The following CFH variants were observed in gnomAD, a reference collection of about 807,000 sequenced individuals.
CFH encodes the protein complement factor H.
In CFH, 53 loss-of-function variants were observed where a neutral mutation model predicts 147.3. That is an observed-to-expected ratio of 0.36 (90% confidence interval 0.29 to 0.45). The LOEUF (loss-of-function observed/expected upper bound fraction) is 0.45, where lower values mean the gene tolerates loss of function less well. Among genes scored for constraint, CFH ranks in the 20% least tolerant of loss-of-function variants. CFH has a pLI of 1.00. For synonymous variants in CFH, 536 were observed against 489.4 expected, an observed-to-expected ratio of 1.10 and a Z score of -1.26; for missense variants, 1,380 against 1,498.0, an observed-to-expected ratio of 0.92 and a Z score of 1.30.
chr1:196,652,086 G>A lies in CFH; in HGVS notation c.-32G>A, dbSNP rs1666517313. On this transcript the variant is annotated 5_prime_UTR_variant, in exon 1 of 22. Transcript: ENST00000367429. The stretch of plus-strand genomic sequence containing the variant: ...GAACTGGACGTTGTGAACAGAGTTA[G>A]CTGGTAAATGTCCTCTTAAAAGATC... 2.7e-6 allele frequency: 4 copies of A among 1,475,632 alleles called. No homozygotes were observed. The highest frequency in any genetic ancestry group is 3.8e-6 in the Non-Finnish European group (4 of 1,053,894). 91.4% of individuals were successfully genotyped at this position (1,475,632 alleles called of 1,614,324 possible). A position where few individuals can be genotyped will look rare whatever the true frequency, so the allele number is the denominator to read the frequency against.
intron 3 of CFH, among the ~76,000 whole-genome samples, chr1:196,674,680 C>T (rs185574783): frequency 6.6e-6 from 1 of 152,230 alleles, no homozygotes; most frequent in East Asian, 1.9e-4. Flanking sequence ...AATGGAATAA[C>T]ATTATTATTT....
intron 15 of CFH, among the ~76,000 whole-genome samples, chr1:196,735,245 T>C (rs1319063194): frequency 2.0e-5 from 3 of 152,172 alleles, no homozygotes; most frequent in Non-Finnish European, 4.4e-5. Context: ...ATTTGTTTTT[T>C]TCTAGATAAG....
chr1:196,746,787 A>T (rs1653024674), intron 21 of CFH, among the ~76,000 whole-genome samples: 1 of 152,208 alleles, frequency 6.6e-6, no homozygotes, highest in South Asian at 2.1e-4. Flanking sequence ...ATTATAGCTG[A>T]AAGTTTGTAC....
At chr1:196,665,194 T>C in intron 1 of CFH, among the ~76,000 whole-genome samples, 1 of 151,724 alleles carries the variant, frequency 6.6e-6, no homozygotes, top group Non-Finnish European at 1.5e-5. Context: ...AGTGTTTGTG[T>C]TAAGAATAAT....
At chr1:196,724,494 C>A (rs1305200558) in intron 11 of CFH, among the ~76,000 whole-genome samples, 1 of 152,154 alleles carries the variant, frequency 6.6e-6, no homozygotes, top group Non-Finnish European at 1.5e-5. Flanking sequence ...CTTGGATCCA[C>A]ACGGTGAGCT....
chr1:196,735,127 CAG>C (rs1229109304), intron 15 of CFH, among the ~76,000 whole-genome samples: 4 of 152,018 alleles, frequency 2.6e-5, no homozygotes, highest in African/African-American at 7.2e-5. Context: ...TGTCGGGAGA[CAG>C]AGAGAGAGAG....
Position 196,747,121 on chromosome 1 carries a change from A to G in CFH, c.3504A>G (p.Val1168=). The change falls in exon 22 of 22, where the codon GTA becomes GTG. Residue 1168 remains valine (V), a synonymous_variant. Transcript: ENST00000367429. ...GTTTTTTATTTTCAGATCCGTGTGT[A>G]ATATCCCGAGAAATTATGGAAAATT... ...SEPPKCLHPC[V]ISREIMENYN... The G allele has an allele frequency of 1.2e-6, 2 of 1,613,856 alleles. No homozygotes were observed. The highest frequency in any genetic ancestry group is 1.7e-6 in the Non-Finnish European group (2 of 1,179,820).
Position 196,726,744 on chromosome 1 carries a change from T to C in CFH, c.2057-17T>C, listed in dbSNP as rs762080569. 5 of 1,613,590 alleles carry C rather than the reference T, an allele frequency of 3.1e-6. No homozygotes were observed. Among genetic ancestry groups the C allele is most frequent in the Non-Finnish European group, 4.2e-6 (5 of 1,179,558 alleles). On this transcript the variant is annotated splice_polypyrimidine_tract_variant and intron_variant, in intron 13 of 21. Transcript: ENST00000367429. Reference sequence around the variant, plus strand: ...ATCATGTTTTCACAATAAACTTTTTTTGTAAAATTTACATAGTGGAGGAGA... The same window carrying C: ...ATCATGTTTTCACAATAAACTTTTTCTGTAAAATTTACATAGTGGAGGAGA...
chr1:196,715,414 C>A (rs1380447369), intron 10 of CFH, among the ~76,000 whole-genome samples, 179 bp from the exon 11 acceptor site: 2 of 151,964 alleles, frequency 1.3e-5, no homozygotes, highest in Non-Finnish European at 2.9e-5. Flanking sequence ...GAAAGATATA[C>A]TTTCACTTTT....
At chr1:196,709,309 T>C (rs1218212926) in intron 9 of CFH, among the ~76,000 whole-genome samples, 2 of 152,114 alleles carry the variant, frequency 1.3e-5, no homozygotes, top group East Asian at 1.9e-4. Flanking sequence ...CATGATTCAA[T>C]TAAATATTAC....
intron 6 of CFH, among the ~76,000 whole-genome samples, chr1:196,683,237 T>G (rs1400900139): frequency 6.6e-6 from 1 of 151,652 alleles, no homozygotes; most frequent in African/African-American, 2.4e-5. Flanking sequence ...CACCAAAAAG[T>G]ATGTAATCAA....
rs541726059 is a variant in CFH, at chr1:196,720,593, T to A, written c.1697-4528T>A. On this transcript the variant is annotated intron_variant, in intron 11 of 21. Transcript: ENST00000367429. The stretch of plus-strand genomic sequence containing the variant: ...AAATAATGGCCTTTAGTTTTATACA[T>A]GTTGCTTCTGAAGGCATGATTTTAT... Among the ~76,000 whole-genome samples the A allele has an allele frequency of 8.5e-5, 13 of 152,140 alleles. No individual in the cohort carries two copies. The East Asian group carries it at 2.5e-3, about 29-fold the overall frequency.
At chr1:196,684,318 C>T (rs1338142480) in intron 6 of CFH, among the ~76,000 whole-genome samples, 21 of 151,892 alleles carry the variant, frequency 1.4e-4, no homozygotes, top group Admixed American at 1.3e-3. Flanking sequence ...TGGCCCTTTA[C>T]GGAAAAGGTT....
rs1652810588 is a variant in CFH at position 196,741,594 on chromosome 1, G to T, written c.2957-281G>T. ...CCTAACCATATCAGGTGGCAAGTAT[G>T]GACAAAAATAATGTGAACAAAAAAA... On this transcript the variant is annotated intron_variant, in intron 18 of 21. Transcript: ENST00000367429. 5 of 385,944 alleles carry T rather than the reference G, an allele frequency of 1.3e-5. No homozygotes were observed. In the Admixed American group the frequency reaches 2.0e-4, roughly 15 times the overall value. The allele number at this position is 385,944 out of a possible 1,614,324, so 23.9% of individuals were successfully genotyped here.
At chr1:196,682,823 A>G (rs1667701456) in intron 6 of CFH, among the ~76,000 whole-genome samples, 2 of 151,648 alleles carry the variant, frequency 1.3e-5, no homozygotes, top group African/African-American at 4.8e-5. Flanking sequence ...TTTCTCATAT[A>G]ATTATTGCTA....
intron 1 of CFH, among the ~76,000 whole-genome samples, chr1:196,670,503 C>T (rs1483287255): frequency 2.0e-5 from 3 of 152,128 alleles, no homozygotes; most frequent in Non-Finnish European, 4.4e-5. Context: ...AATGAGTTCT[C>T]ATGAGGTTTG....
intron 15 of CFH, among the ~76,000 whole-genome samples, chr1:196,734,525 C>T (rs1669354892): frequency 6.6e-6 from 1 of 152,090 alleles, no homozygotes; most frequent in Non-Finnish European, 1.5e-5. Context: ...CTTATCTTTC[C>T]TCTCTGAGGG....
At chr1:196,737,137 T>G in intron 16 of CFH, 131 bp downstream of exon 16, 1 of 802,430 alleles carries the variant, frequency 1.2e-6, no homozygotes, top group East Asian at 2.7e-5. Flanking sequence ...AATTAGGACC[T>G]AGGCACATTA....
In CFH at chr1:196,707,628, C is replaced by T. The variant is rs1023437556; in HGVS notation, c.1337-6107C>T. ...GGATTCACCACAGCCATATAAAACCCGCCCCGCCAGATTCTTGTCCTATCA... is the reference window on the plus strand; with the variant it reads ...GGATTCACCACAGCCATATAAAACCTGCCCCGCCAGATTCTTGTCCTATCA... On this transcript the variant is annotated intron_variant, in intron 9 of 21. Coordinates refer to ENST00000367429, the MANE Select transcript of CFH (RefSeq NM_000186.4). Among the ~76,000 whole-genome samples, 7 of 152,264 alleles carry T rather than the reference C, an allele frequency of 4.6e-5. No individual in the cohort carries two copies. The South Asian group carries it at 6.2e-4, about 14-fold the overall frequency.
Sources: gnomAD v4.1 joint callset for allele counts (sites outside exome capture counted in the v4.1 genomes callset) on GRCh38, gnomAD v4.1.1 for gene constraint, MANE v1.5 for transcripts, NCBI Gene and HGNC (gene_info 2026-07-23, HGNC 2026-07-21) for gene names.